Variants in IP6K3 observed in about 807,000 individuals in gnomAD.
IP6K3 encodes ATP:1D-myo-inositol-hexakisphosphate phosphotransferase.
IP6K3 carries 20 observed loss-of-function variants against 28.8 expected under a neutral mutation model. The observed-to-expected ratio is 0.70, with a 90% CI of 0.49 to 1.01. IP6K3 has a LOEUF of 1.01. IP6K3 is among the 50% of genes least tolerant of loss of function. IP6K3 has a pLI of 0.00. For synonymous variants in IP6K3, 213 were observed against 221.3 expected (o/e 0.96, Z 0.33); for missense variants, 480 against 537.1 (o/e 0.89, Z 1.05).
At chr6:33,730,387 G>A (rs918830051) in intron 2 of IP6K3, among the ~76,000 whole-genome samples, 3 of 152,218 alleles carry the variant, frequency 2.0e-5, no homozygotes, top group Non-Finnish European at 4.4e-5. Flanking sequence ...GCCTGAGAGT[G>A]ACATTCAGTT....
intron 3 of IP6K3, among the ~76,000 whole-genome samples, chr6:33,727,221 G>A (rs577563485): frequency 1.2e-4 from 19 of 152,270 alleles, no homozygotes; most frequent in African/African-American, 4.3e-4. Context: ...TTATTGAGGC[G>A]ACACACTAAG....
chr6:33,755,096 C>G, the IP6K3 span, among the ~76,000 whole-genome samples: 2,686 of 152,302 alleles, frequency 0.018, 80 homozygotes, highest in African/African-American at 0.059. Context: ...CCCAGAGGGT[C>G]GTGGGGCTCT....
chr6:33,735,413 G>A lies in IP6K3; in HGVS notation c.64C>T (p.Leu22=). ...CTCATGTGCCCCCCGACCTGGTGCA[G>A]GAAGGGCTCCAGCTGCACGCCTGCC... is the stretch of plus-strand genomic sequence containing the variant. The part of the protein sequence containing the change: ...MRAGVQLEPF[L]HQVGGHMSVM... Residue 22 remains leucine, a synonymous_variant, in exon 2 of 6, where the codon CTG becomes TTG. Coordinates refer to ENST00000293756, the MANE Select transcript of IP6K3 (RefSeq NM_054111.5). 6.2e-7 allele frequency: 1 copy of A among 1,609,390 alleles called. No individual in the cohort carries two copies. The highest frequency in any genetic ancestry group is 8.5e-7 in the Non-Finnish European group (1 of 1,178,088).
the IP6K3 span, among the ~76,000 whole-genome samples, chr6:33,751,957 C>A: frequency 1.3e-5 from 2 of 152,186 alleles, no homozygotes; most frequent in African/African-American, 2.4e-5. The surrounding 1 kb of genome is among the most constrained non-coding windows in gnomAD (Gnocchi z 4.3). Context: ...CTAGCTCTCC[C>A]AGCAGCGCTG....
upstream of IP6K3, chr6:33,747,023 C>A: frequency 6.6e-6 from 1 of 152,654 alleles, no homozygotes; most frequent in Non-Finnish European, 1.5e-5. This position sits in a 1 kb window ranked among gnomAD's most constrained non-coding sequence, Gnocchi z 5.2. Context: ...TGCTCTGGGG[C>A]AGGGCCAGAG....
chr6:33,741,961 TAAAC>T (rs1373046955), intron 1 of IP6K3, among the ~76,000 whole-genome samples: 84 of 97,134 alleles, frequency 8.6e-4, no homozygotes, highest in African/African-American at 3.4e-3. Context: ...CAGAAAAAAA[TAAAC>T]AAAAACAAGC....
intron 3 of IP6K3, chr6:33,727,880 G>A (rs1766174829): frequency 1.0e-6 from 1 of 985,290 alleles, no homozygotes; most frequent in African/African-American, 1.7e-5. Flanking sequence ...GGGATAAAAT[G>A]CATCGTAATC....
At chr6:33,741,910 C>T (rs1011981251) in intron 1 of IP6K3, among the ~76,000 whole-genome samples, 6 of 151,562 alleles carry the variant, frequency 4.0e-5, no homozygotes, top group Non-Finnish European at 7.4e-5. Flanking sequence ...AAGATCGTGC[C>T]ATTGCACTCC....
chr6:33,722,435 T>C lies in IP6K3; in HGVS notation c.*285A>G. On this transcript the variant is annotated 3_prime_UTR_variant, in exon 6 of 6. Coordinates refer to ENST00000293756, the MANE Select transcript of IP6K3 (RefSeq NM_054111.5). ...CCAGAATGTCAGCAATGCTGGCCTC[T>C]AACTTGGGCTGCCCCCTCCAGTGTA... 1 of 263,730 alleles carries C rather than the reference T, an allele frequency of 3.8e-6. No homozygotes were observed. Among genetic ancestry groups the C allele is most frequent in the East Asian group, 7.1e-5 (1 of 14,008 alleles). The allele number at this position is 263,730 out of a possible 1,614,324, so 16.3% of individuals were successfully genotyped here.
chr6:33,760,437 C>T, the IP6K3 span, among the ~76,000 whole-genome samples: 1 of 152,216 alleles, frequency 6.6e-6, no homozygotes, highest in Non-Finnish European at 1.5e-5. Flanking sequence ...GGGCATGTGC[C>T]TGTGTGAATG....
chr6:33,756,295 G>A, the IP6K3 span, among the ~76,000 whole-genome samples: 1 of 152,204 alleles, frequency 6.6e-6, no homozygotes, highest in African/African-American at 2.4e-5. Context: ...AAGGCCTGGC[G>A]GAGGTGTCTT....
the IP6K3 span, among the ~76,000 whole-genome samples, chr6:33,758,235 G>A: frequency 6.4e-4 from 97 of 152,154 alleles, 1 homozygote; most frequent in Non-Finnish European, 1.1e-3. Flanking sequence ...CTCAGGGGCC[G>A]GAGCTTGGTG....
chr6:33,735,691 G>A (rs1766500262), intron 1 of IP6K3, 36 bp from the exon 2 acceptor site: 2 of 1,235,842 alleles, frequency 1.6e-6, no homozygotes, highest in Non-Finnish European at 2.2e-6. Flanking sequence ...AGTTATATGA[G>A]GGAGGTGGTG....
At chr6:33,730,709 C>A (rs1052235010) in intron 2 of IP6K3, among the ~76,000 whole-genome samples, 3 of 152,022 alleles carry the variant, frequency 2.0e-5, no homozygotes, top group Non-Finnish European at 1.5e-5. Flanking sequence ...TGACGGTGGG[C>A]GCCTAGGCTC....
Position 33,722,794 on chromosome 6 carries a change from C to T in IP6K3, c.1159G>A (p.Gly387Arg), listed in dbSNP as rs1195197709. ...CCAAAAATATAGCCAGGGTCTGGTC[C>T]ATCGTAGGTGGTGTGCTCATTCCAG... ...GYWNEHTTYD[G>R]PDPGYIFGLE... Residue 387 changes from glycine to arginine, a missense_variant, in exon 6 of 6, where the codon GGA (glycine) becomes AGA (arginine). Transcript: ENST00000293756. 8 of 1,613,946 alleles carry T rather than the reference C, an allele frequency of 5.0e-6. No individual in the cohort carries two copies. Among genetic ancestry groups the T allele is most frequent in the Non-Finnish European group, 6.8e-6 (8 of 1,180,002 alleles).
At position 33,723,103 on chromosome 6, in the gene IP6K3, G is replaced by A; in HGVS notation, c.850C>T (p.Leu284Phe). The A allele has an allele frequency of 6.2e-7, 1 of 1,614,178 alleles. No individual in the cohort carries two copies. Among genetic ancestry groups the A allele is most frequent in the Non-Finnish European group, 8.5e-7 (1 of 1,180,032 alleles). ...KLSVEGFRQA[L>F]YQFLHNGSHL... ...CTTCCATTATGTAGGAACTGATAGA[G>A]GGCTTGTCTGAACCCCTCCACTGAG... Residue 284 changes from leucine to phenylalanine, a missense_variant, in exon 6 of 6, where the codon CTC (leucine) becomes TTC (phenylalanine). Physicochemically the swap from Leu to Phe is conservative, Grantham distance 22. Transcript: ENST00000293756.
chr6:33,754,814 C>T, the IP6K3 span, among the ~76,000 whole-genome samples: 4 of 152,334 alleles, frequency 2.6e-5, no homozygotes, highest in East Asian at 1.9e-4. Flanking sequence ...ACGTCTGTAA[C>T]GACAACGTCA....
chr6:33,729,490 G>T (rs1582206138), intron 2 of IP6K3, among the ~76,000 whole-genome samples: 1 of 152,170 alleles, frequency 6.6e-6, no homozygotes, highest in African/African-American at 2.4e-5. Flanking sequence ...CCCAGTGGGG[G>T]GCACTGGCAG....
chr6:33,735,010 CA>C (rs1766463775), intron 2 of IP6K3, among the ~76,000 whole-genome samples: 2 of 152,202 alleles, frequency 1.3e-5, no homozygotes, highest in African/African-American at 4.8e-5. Context: ...TGGGTGGGAC[CA>C]GGGTGTTGTT....
Sources: gnomAD v4.1 joint callset for allele counts (sites outside exome capture counted in the v4.1 genomes callset) on GRCh38, gnomAD v4.1.1 for gene constraint, Gnocchi (gnomAD v3.1) non-coding constraint, MANE v1.5 for transcripts, NCBI Gene and HGNC (gene_info 2026-07-23, HGNC 2026-07-21) for gene names.